The following AVEN variants were observed in gnomAD, a reference collection of about 807,000 sequenced individuals.
The protein encoded by AVEN is cell death regulator Aven.
A neutral mutation model predicts 38.1 loss-of-function variants in AVEN; 41 were observed. The observed-to-expected ratio is 1.08, with a 90% CI of 0.84 to 1.40. The LOEUF (loss-of-function observed/expected upper bound fraction) is 1.40, where lower values mean the gene tolerates loss of function less well. AVEN is among the 40% of genes most tolerant of loss of function. The probability of loss-of-function intolerance (pLI) is 0.00; values close to 1 mark genes in which losing one functional copy is unlikely to be tolerated. For missense variants in AVEN, 605 were observed against 438.8 expected (o/e 1.38, Z -3.38); for synonymous variants, 206 against 171.8 (o/e 1.20, Z -1.56).
intron 1 of AVEN, among the ~76,000 whole-genome samples, chr15:34,072,394 C>T (rs1445812432): frequency 2.6e-5 from 4 of 151,938 alleles, no homozygotes; most frequent in South Asian, 2.1e-4. Context: ...GGGCAGATCA[C>T]GAGGTCAGGA....
intron 2 of AVEN, among the ~76,000 whole-genome samples, chr15:33,987,640 T>A (rs1896535147): frequency 6.6e-6 from 1 of 152,256 alleles, no homozygotes; most frequent in African/African-American, 2.4e-5. Context: ...TCAAGGCTGC[T>A]GCCAGCTGCT....
At chr15:33,853,473 G>T in the AVEN span, 2 of 1,514,812 alleles carry the variant, frequency 1.3e-6, no homozygotes, top group Non-Finnish European at 1.8e-6. Context: ...CCATAGGGCA[G>T]CAAAGCTCTG....
At chr15:34,006,029 T>C (rs1287522122) in intron 1 of AVEN, among the ~76,000 whole-genome samples, 1 of 152,110 alleles carries the variant, frequency 6.6e-6, no homozygotes, top group Non-Finnish European at 1.5e-5. Context: ...AAAATAGCCT[T>C]GGCCAGGCAC....
intron 2 of AVEN, 107 bp from the exon 3 acceptor site, chr15:33,876,102 C>CA (rs1203478122): frequency 1.0e-6 from 1 of 976,548 alleles, no homozygotes; most frequent in African/African-American, 1.6e-5. Context: ...TGCTCAAACT[C>CA]AAAGGGAGAG....
chr15:33,991,024 T>C (rs1223842031), intron 2 of AVEN: 1 of 152,216 alleles, frequency 6.6e-6, no homozygotes, highest in Non-Finnish European at 1.5e-5. Flanking sequence ...AAAAAAATGA[T>C]GTAAAACCAG....
intron 1 of AVEN, among the ~76,000 whole-genome samples, chr15:34,016,638 G>A (rs1294726427): frequency 2.0e-5 from 3 of 152,090 alleles, no homozygotes; most frequent in Admixed American, 1.3e-4. Flanking sequence ...ACTAACTAAA[G>A]CCAAGTGTCT....
intron 2 of AVEN, among the ~76,000 whole-genome samples, chr15:33,885,218 A>G (rs1351226995): frequency 6.6e-6 from 1 of 152,130 alleles, no homozygotes; most frequent in Non-Finnish European, 1.5e-5. Context: ...AGTCACCGCA[A>G]TGGCTGCTAC....
At chr15:33,879,566 AAAG>A (rs1195600836) in intron 2 of AVEN, among the ~76,000 whole-genome samples, 3 of 152,292 alleles carry the variant, frequency 2.0e-5, no homozygotes, top group East Asian at 3.9e-4. Flanking sequence ...AAAATAAAAA[AAAG>A]AAGATAGTGA....
At chr15:34,009,156 C>G (rs759869214) in intron 1 of AVEN, among the ~76,000 whole-genome samples, 3 of 151,940 alleles carry the variant, frequency 2.0e-5, no homozygotes, top group Non-Finnish European at 4.4e-5. Flanking sequence ...ATCCTACATA[C>G]AAAAAAGCTA....
chr15:34,060,025 A>G (rs963272544), intron 5 of AVEN, among the ~76,000 whole-genome samples: 7 of 152,224 alleles, frequency 4.6e-5, no homozygotes, highest in African/African-American at 1.7e-4. Flanking sequence ...AGCGATTTCC[A>G]CAGGCCCTTT....
intron 1 of AVEN, among the ~76,000 whole-genome samples, chr15:34,035,373 A>G (rs1479328786): frequency 1.3e-5 from 2 of 152,188 alleles, no homozygotes; most frequent in African/African-American, 4.8e-5. Context: ...CCATACTAAC[A>G]TATCAGTTAA....
At chr15:34,034,578 A>G (rs1899030091) in intron 1 of AVEN, among the ~76,000 whole-genome samples, 1 of 152,224 alleles carries the variant, frequency 6.6e-6, no homozygotes, top group Admixed American at 6.5e-5. Context: ...AATGTTAGAT[A>G]TAAACTTTAA....
chr15:33,854,667 C>CT (rs2079459306), downstream of AVEN: 1 of 1,466,306 alleles, frequency 6.8e-7, no homozygotes, highest in Admixed American at 2.1e-5. Flanking sequence ...CCTAAACCCC[C>CT]TCTATCCTCA....
intron 4 of AVEN, among the ~76,000 whole-genome samples, chr15:33,868,182 T>C (rs1409751902): frequency 1.3e-5 from 2 of 152,168 alleles, no homozygotes; most frequent in Non-Finnish European, 2.9e-5. Flanking sequence ...ATAGGTCTAT[T>C]TGGCTTTACA....
chr15:33,891,372 T>A (rs546935360), intron 2 of AVEN, among the ~76,000 whole-genome samples: 1 of 152,256 alleles, frequency 6.6e-6, no homozygotes, highest in African/African-American at 2.4e-5. Flanking sequence ...CCTAATGCTA[T>A]CCCTCCCCCA....
At chr15:33,918,720 G>A (rs1893266053) in intron 2 of AVEN, among the ~76,000 whole-genome samples, 2 of 151,982 alleles carry the variant, frequency 1.3e-5, no homozygotes, top group Admixed American at 1.3e-4. Flanking sequence ...CTCCCGAAGT[G>A]CTGGGATTAT....
intron 1 of AVEN, among the ~76,000 whole-genome samples, chr15:34,015,957 C>CCT (rs1897885032): frequency 6.6e-6 from 1 of 152,182 alleles, no homozygotes; most frequent in Non-Finnish European, 1.5e-5. Context: ...ACCCTCAGAT[C>CCT]TGAACAGTAA....
downstream of AVEN, among the ~76,000 whole-genome samples, chr15:33,855,552 C>A (rs545071765): frequency 2.4e-3 from 360 of 152,118 alleles, 1 homozygote; most frequent in Non-Finnish European, 4.1e-3. Context: ...TGATATATTC[C>A]CTGGGGGTTA....
chr15:33,862,643 C>G (rs1317886257), downstream of AVEN, among the ~76,000 whole-genome samples: 1 of 152,126 alleles, frequency 6.6e-6, no homozygotes, highest in Admixed American at 6.5e-5. Flanking sequence ...TTGAGACAGT[C>G]TCTGTCACCC....
Sources: allele counts gnomAD v4.1 joint callset (sites outside exome capture counted in the v4.1 genomes callset), GRCh38; gene constraint gnomAD v4.1.1; transcripts MANE v1.5; gene names NCBI Gene and HGNC (gene_info 2026-07-23, HGNC 2026-07-21).